The following RAP1GDS1 variants were observed in gnomAD, a reference collection of about 807,000 sequenced individuals.
RAP1GDS1 encodes RAP1, GTP-GDP dissociation stimulator 1.
Under a neutral mutation model 71.1 loss-of-function variants are expected in RAP1GDS1, and 35 were observed. The observed-to-expected ratio is 0.49, with a 90% CI of 0.38 to 0.65. The LOEUF is 0.65. RAP1GDS1 is among the 30% of genes least tolerant of loss of function. The pLI is 0.00. For synonymous variants in RAP1GDS1, 229 were observed against 243.1 expected (o/e 0.94, Z 0.54); for missense variants, 663 against 706.1 (o/e 0.94, Z 0.69).
At chr4:98,314,601 T>C (rs1180993910) in intron 2 of RAP1GDS1, among the ~76,000 whole-genome samples, 2 of 149,858 alleles carry the variant, frequency 1.3e-5, no homozygotes, top group Admixed American at 6.6e-5. Flanking sequence ...CTGTTATAAC[T>C]CTGTAAGAGG....
intron 2 of RAP1GDS1, among the ~76,000 whole-genome samples, chr4:98,310,930 C>A (rs1483661088): frequency 6.6e-6 from 1 of 151,914 alleles, no homozygotes; most frequent in East Asian, 1.9e-4. Context: ...TTATATTTCC[C>A]TTGGACAGCC....
intron 3 of RAP1GDS1, among the ~76,000 whole-genome samples, chr4:98,350,290 G>A (rs537788612): frequency 1.1e-4 from 16 of 152,292 alleles, no homozygotes; most frequent in South Asian, 6.2e-4. Flanking sequence ...AAATCAGACC[G>A]TTCCTAAATT....
chr4:98,393,256 A>G (rs1744000425), intron 6 of RAP1GDS1, among the ~76,000 whole-genome samples: 1 of 152,188 alleles, frequency 6.6e-6, no homozygotes, highest in Non-Finnish European at 1.5e-5. Context: ...TCTTCCAAGC[A>G]AAGGGAATAG....
intron 1 of RAP1GDS1, among the ~76,000 whole-genome samples, chr4:98,287,029 T>C (rs1261722213): frequency 1.3e-5 from 2 of 152,110 alleles, no homozygotes; most frequent in Non-Finnish European, 1.5e-5. Flanking sequence ...AAAATATTTC[T>C]TAATCAAGAC....
chr4:98,309,210 GT>G (rs780372168), intron 2 of RAP1GDS1, among the ~76,000 whole-genome samples: 2 of 151,886 alleles, frequency 1.3e-5, no homozygotes, highest in African/African-American at 2.4e-5. Context: ...CTTAAAGACT[GT>G]TTTTGTGGCC....
intron 1 of RAP1GDS1, among the ~76,000 whole-genome samples, chr4:98,285,821 AAAT>A (rs1725880142): frequency 6.9e-6 from 1 of 145,908 alleles, no homozygotes; most frequent in Non-Finnish European, 1.5e-5. Context: ...TATTTATAAT[AAAT>A]AATTATAAAT....
At chr4:98,390,225 T>C (rs1409031890) in intron 5 of RAP1GDS1, among the ~76,000 whole-genome samples, 2 of 152,148 alleles carry the variant, frequency 1.3e-5, no homozygotes, top group African/African-American at 4.8e-5. Flanking sequence ...ATAATGCAAC[T>C]ATTCTGCCAA....
At position 98,308,259 on chromosome 4, in the gene RAP1GDS1, T is replaced by TACAC. The variant is rs534438192; in HGVS notation, c.112+14751_112+14754dup. 2.2e-3 allele frequency among the ~76,000 whole-genome samples: 309 copies of TACAC among 141,684 alleles called. 1 individual carries two copies. The highest frequency in any genetic ancestry group is 7.6e-3 in the African/African-American group (292 of 38,422). The allele number at this position is 141,684 out of a possible 152,430, so 93.0% of individuals were successfully genotyped here. On this transcript the variant is annotated intron_variant, in intron 2 of 14. Coordinates refer to ENST00000408927, the MANE Select transcript of RAP1GDS1 (RefSeq NM_001100427.2). ...ATATATGTGTATATACATGTATATA[T>TACAC]ACACACACACCCACACACATATATA... is the stretch of plus-strand genomic sequence containing the variant.
intron 2 of RAP1GDS1, among the ~76,000 whole-genome samples, chr4:98,296,056 C>T (rs1328605736): frequency 6.6e-6 from 1 of 150,562 alleles, no homozygotes; most frequent in South Asian, 2.1e-4. Context: ...ACAACAACAA[C>T]AAAAACACAG....
chr4:98,347,307 TAAAA>T (rs1736434148), intron 3 of RAP1GDS1, among the ~76,000 whole-genome samples: 1 of 151,970 alleles, frequency 6.6e-6, no homozygotes, highest in South Asian at 2.1e-4. Context: ...TTTGAGAAAG[TAAAA>T]GAAAGAAAGT....
intron 2 of RAP1GDS1, among the ~76,000 whole-genome samples, chr4:98,299,619 G>C (rs552385583): frequency 6.9e-6 from 1 of 144,826 alleles, no homozygotes; most frequent in African/African-American, 2.5e-5. Context: ...AAAGAAAGTG[G>C]TTTTTTTTTT....
At chr4:98,268,937 A>G (rs2110226609) in intron 1 of RAP1GDS1, among the ~76,000 whole-genome samples, 1 of 152,250 alleles carries the variant, frequency 6.6e-6, no homozygotes, top group South Asian at 2.1e-4. Context: ...GAAACTTTTC[A>G]CAGAAATAGC....
chr4:98,417,239 A>G, intron 8 of RAP1GDS1, 128 bp from the exon 9 acceptor site: 1 of 951,166 alleles, frequency 1.1e-6, no homozygotes, highest in Non-Finnish European at 1.6e-6. Context: ...AAGAATCATT[A>G]CTTTTCCCAT....
intron 1 of RAP1GDS1, among the ~76,000 whole-genome samples, chr4:98,271,102 G>T (rs1723392217): frequency 6.6e-6 from 1 of 152,076 alleles, no homozygotes; most frequent in Non-Finnish European, 1.5e-5. Flanking sequence ...GTGGATTTTT[G>T]ACTGAGTGAG....
At chr4:98,319,746 C>G (rs1731497297) in intron 2 of RAP1GDS1, among the ~76,000 whole-genome samples, 1 of 150,052 alleles carries the variant, frequency 6.7e-6, no homozygotes, top group African/African-American at 2.5e-5. Context: ...ATGCCACTGC[C>G]CTCCAGCCTG....
intron 4 of RAP1GDS1, among the ~76,000 whole-genome samples, chr4:98,367,839 A>G (rs187062193): frequency 1.3e-5 from 2 of 152,258 alleles, no homozygotes; most frequent in African/African-American, 4.8e-5. Flanking sequence ...GAAGTAACTA[A>G]CTTGCTTTTG....
At position 98,418,794 on chromosome 4, in the gene RAP1GDS1, A is replaced by G. The variant is rs776577109; in HGVS notation, c.1174+3A>G. 2 of 1,586,204 alleles carry G rather than the reference A, an allele frequency of 1.3e-6. No individual in the cohort carries two copies. The highest frequency in any genetic ancestry group is 2.4e-5 in the South Asian group (2 of 84,934). ...CCTCAGAAACCTGGCCATTCCAGGT[A>G]AGACTTAAGAATAGAAGGCAGCTGT... On this transcript the variant is annotated splice_donor_region_variant and intron_variant, in intron 10 of 14. Transcript: ENST00000408927.
Position 98,317,276 on chromosome 4 carries a change from G to A in RAP1GDS1, c.112+23761G>A, listed in dbSNP as rs140391397. ...GATTTTTATAATTTCAGCATTTGTC[G>A]TAGGTATTAGGGAGATCTAAGCAAT... On this transcript the variant is annotated intron_variant, in intron 2 of 14. Coordinates refer to ENST00000408927, the MANE Select transcript of RAP1GDS1 (RefSeq NM_001100427.2). Among the ~76,000 whole-genome samples the A allele has an allele frequency of 7.2e-5, 11 of 152,142 alleles. No homozygotes were observed. The South Asian group carries it at 1.0e-3, about 14-fold the overall frequency.
chr4:98,261,597 G>T (rs1456907570), intron 1 of RAP1GDS1, 28 bp downstream of exon 1: 2 of 1,596,008 alleles, frequency 1.3e-6, no homozygotes, highest in Non-Finnish European at 1.7e-6. Context: ...CGCCGTCATC[G>T]CCTGACATTT....
Sources: allele counts gnomAD v4.1 joint callset (sites outside exome capture counted in the v4.1 genomes callset), GRCh38; gene constraint gnomAD v4.1.1; transcripts MANE v1.5; gene names NCBI Gene and HGNC (gene_info 2026-07-23, HGNC 2026-07-21).